SPECC1: variants seen among roughly 807,000 people sequenced by gnomAD.
SPECC1 encodes the protein cytospin-B.
A neutral mutation model predicts 104.1 loss-of-function variants in SPECC1; 62 were observed. That is an observed-to-expected ratio of 0.60 (90% CI 0.49 to 0.74). SPECC1 has a LOEUF of 0.74. SPECC1 is among the 30% of genes least tolerant of loss of function. The pLI is 0.00. For synonymous variants in SPECC1, 513 were observed against 501.6 expected (o/e 1.02, Z -0.30); for missense variants, 1,306 against 1,310.5 (o/e 1.00, Z 0.05).
intron 4 of SPECC1, among the ~76,000 whole-genome samples, chr17:20,225,881 A>G (rs1277049381): frequency 6.6e-6 from 1 of 152,068 alleles, no homozygotes. Flanking sequence ...ATCCTTTGTC[A>G]CAATTTCCCA....
intron 3 of SPECC1, chr17:20,156,076 T>C: frequency 2.3e-6 from 3 of 1,324,924 alleles, no homozygotes; most frequent in Non-Finnish European, 9.6e-7. Flanking sequence ...CCCGGTCCTT[T>C]CTTTGACTGG....
rs570310053 is a variant in SPECC1 at position 20,317,172 on chromosome 17, T to C, written c.*3107T>C. Reference sequence around the variant, plus strand: ...GCTCATGCCTATAATCCCAGCACTTTGGGAGGCTGAGGTGGGAGGATTGCT... The same window carrying C: ...GCTCATGCCTATAATCCCAGCACTTCGGGAGGCTGAGGTGGGAGGATTGCT... On this transcript the variant is annotated 3_prime_UTR_variant, in exon 15 of 15. Coordinates refer to ENST00000395527, the MANE Select transcript of SPECC1 (RefSeq NM_001243439.2). 1.7e-5 allele frequency: 3 copies of C among 175,428 alleles called. No individual in the cohort carries two copies. Among genetic ancestry groups the C allele is most frequent in the Admixed American group, 1.3e-4 (2 of 15,638 alleles). The allele number at this position is 175,428 out of a possible 1,614,324, so 10.9% of individuals were successfully genotyped here.
chr17:20,162,037 C>T (rs1371287794), intron 3 of SPECC1, among the ~76,000 whole-genome samples: 1 of 152,030 alleles, frequency 6.6e-6, no homozygotes, highest in East Asian at 1.9e-4. Context: ...TCAGGTGATC[C>T]GCCCACCTGG....
chr17:20,140,108 A>G (rs1203770271), intron 3 of SPECC1, among the ~76,000 whole-genome samples: 1 of 152,172 alleles, frequency 6.6e-6, no homozygotes, highest in East Asian at 1.9e-4. Context: ...GAGTAGGATC[A>G]TTTTCGGCCC....
intron 12 of SPECC1, among the ~76,000 whole-genome samples, chr17:20,268,608 C>T (rs767797652): frequency 8.5e-5 from 13 of 152,304 alleles, no homozygotes; most frequent in East Asian, 1.9e-4. Flanking sequence ...ATAGCAGATG[C>T]GCGGCACTGT....
At chr17:20,234,244 C>T (rs72830191) in intron 7 of SPECC1, among the ~76,000 whole-genome samples, 1 of 152,116 alleles carries the variant, frequency 6.6e-6, no homozygotes, top group African/African-American at 2.4e-5. Context: ...ACAGTTTAAT[C>T]CCTTCTCAAA....
chr17:20,242,808 T>C (rs117825997), intron 7 of SPECC1, among the ~76,000 whole-genome samples: 1,874 of 152,312 alleles, frequency 0.012, 21 homozygotes, highest in Non-Finnish European at 0.02. Flanking sequence ...TATCTAGTTT[T>C]GTTGAAAATT....
intron 1 of SPECC1, among the ~76,000 whole-genome samples, chr17:20,022,315 C>T (rs1332744151): frequency 6.6e-6 from 1 of 152,262 alleles, no homozygotes; most frequent in East Asian, 1.9e-4. Context: ...TGCTTGTTAT[C>T]TTTTTGAGTT....
At chr17:20,029,957 T>C (rs961637446) in intron 1 of SPECC1, among the ~76,000 whole-genome samples, 2 of 152,166 alleles carry the variant, frequency 1.3e-5, no homozygotes, top group African/African-American at 4.8e-5. Flanking sequence ...ATGATATAGC[T>C]ACAAGCCAAG....
At chr17:20,079,097 ATGT>A (rs1413706316) in intron 1 of SPECC1, among the ~76,000 whole-genome samples, 1 of 152,174 alleles carries the variant, frequency 6.6e-6, no homozygotes, top group Non-Finnish European at 1.5e-5. Flanking sequence ...GTCTTAACTT[ATGT>A]TTTAGAAAAG....
intron 13 of SPECC1, among the ~76,000 whole-genome samples, 195 bp downstream of exon 13, chr17:20,297,272 A>C (rs1221710906): frequency 6.6e-6 from 1 of 152,212 alleles, no homozygotes; most frequent in Non-Finnish European, 1.5e-5. Flanking sequence ...TTCCCTTCTC[A>C]GGAATCTCAG....
intron 13 of SPECC1, among the ~76,000 whole-genome samples, chr17:20,304,474 TAG>T (rs2041697067): frequency 6.6e-6 from 1 of 152,092 alleles, no homozygotes; most frequent in Non-Finnish European, 1.5e-5. Context: ...CATCAGAGAA[TAG>T]CCAGGAAGAG....
intron 3 of SPECC1, 115 bp downstream of exon 3, chr17:20,110,677 T>C (rs2048444388): frequency 1.6e-6 from 2 of 1,247,456 alleles, no homozygotes; most frequent in Admixed American, 3.1e-5. Context: ...CTTGACCACT[T>C]ACCCTGGGCC....
chr17:20,184,334 A>G (rs1353750622), intron 3 of SPECC1, among the ~76,000 whole-genome samples: 1 of 152,196 alleles, frequency 6.6e-6, no homozygotes, highest in Non-Finnish European at 1.5e-5. Flanking sequence ...CATAGTGCCT[A>G]TGCTGTGATC....
At chr17:20,245,465 AC>A (rs1415031741) in intron 7 of SPECC1, among the ~76,000 whole-genome samples, 1 of 152,002 alleles carries the variant, frequency 6.6e-6, no homozygotes, top group Non-Finnish European at 1.5e-5. Flanking sequence ...CTTAAATCAC[AC>A]CCAAAATCCC....
At chr17:20,172,890 T>C (rs530929334) in intron 3 of SPECC1, among the ~76,000 whole-genome samples, 1 of 152,346 alleles carries the variant, frequency 6.6e-6, no homozygotes, top group Admixed American at 6.5e-5. Flanking sequence ...GCTTCATTTT[T>C]CCTAGGTGAT....
chr17:20,163,002 T>C (rs895662762), intron 3 of SPECC1, among the ~76,000 whole-genome samples: 3 of 152,170 alleles, frequency 2.0e-5, no homozygotes, highest in Non-Finnish European at 4.4e-5. Context: ...CACTCCAGCT[T>C]GGGCAACAAG....
intron 9 of SPECC1, among the ~76,000 whole-genome samples, chr17:20,252,270 A>T (rs77643151): frequency 0.044 from 6,623 of 152,094 alleles, 170 homozygotes; most frequent in Middle Eastern, 0.065. Context: ...ATTTTTTTTT[A>T]AATTTTTAAT....
intron 3 of SPECC1, among the ~76,000 whole-genome samples, chr17:20,162,775 C>A (rs550292041): frequency 7.2e-5 from 11 of 152,278 alleles, no homozygotes; most frequent in Middle Eastern, 3.4e-3. Flanking sequence ...CGCCTGTAAT[C>A]GCAGCACTTT....
Sources: allele counts gnomAD v4.1 joint callset (sites outside exome capture counted in the v4.1 genomes callset), GRCh38; gene constraint gnomAD v4.1.1; transcripts MANE v1.5; gene names NCBI Gene and HGNC (gene_info 2026-07-23, HGNC 2026-07-21).